The following CELF2 variants were observed in gnomAD, a reference collection of about 807,000 sequenced individuals.
The protein encoded by CELF2 is CUGBP Elav-like family member 2.
A neutral mutation model predicts 62.6 loss-of-function variants in CELF2; 8 were observed. That is an observed-to-expected ratio of 0.13 (90% confidence interval 0.07 to 0.23). The LOEUF is 0.23. CELF2 is among the 10% of genes least tolerant of loss of function. CELF2 has a pLI of 1.00. For synonymous variants in CELF2, 258 were observed against 250.0 expected, an observed-to-expected ratio of 1.03 and a Z score of -0.30; for missense variants, 333 against 671.0, an observed-to-expected ratio of 0.50 and a Z score of 5.56.
intron 1 of CELF2, among the ~76,000 whole-genome samples, chr10:11,048,678 T>G (rs1390257339): frequency 6.6e-6 from 1 of 152,322 alleles, no homozygotes; most frequent in Middle Eastern, 3.4e-3. Flanking sequence ...AAGAACACAG[T>G]CTTCCTCTTT....
At chr10:10,767,590 C>A in the CELF2 span, among the ~76,000 whole-genome samples, 1 of 152,062 alleles carries the variant, frequency 6.6e-6, no homozygotes, top group Non-Finnish European at 1.5e-5. Flanking sequence ...GTAAACAGAC[C>A]AATGCTTGGT....
At chr10:11,182,233 G>A (rs758736687) in intron 2 of CELF2, among the ~76,000 whole-genome samples, 5 of 152,172 alleles carry the variant, frequency 3.3e-5, no homozygotes, top group East Asian at 1.9e-4. Context: ...TTCCATTCTG[G>A]CAAGGACTGA....
In CELF2 at chr10:11,227,188, C is replaced by T. The variant is rs553330046; in HGVS notation, c.354+9681C>T. Among the ~76,000 whole-genome samples, 1 of 152,244 alleles carries T rather than the reference C, an allele frequency of 6.6e-6. No individual in the cohort carries two copies. Among genetic ancestry groups the T allele is most frequent in the African/African-American group, 2.4e-5 (1 of 41,462 alleles). Reference sequence around the variant, plus strand: ...CCTGCCATCATCACACCCTCCTGCCCTGAAAACTCCTGGAGGCCTTTAGAA... The same window carrying T: ...CCTGCCATCATCACACCCTCCTGCCTTGAAAACTCCTGGAGGCCTTTAGAA... On this transcript the variant is annotated intron_variant, in intron 3 of 12. Transcript: ENST00000633077. This position sits in a 1 kb window ranked among gnomAD's most constrained non-coding sequence, Gnocchi z 4.8.
chr10:10,853,348 C>A (rs1259555812), intron 1 of CELF2, among the ~76,000 whole-genome samples: 3 of 152,036 alleles, frequency 2.0e-5, no homozygotes, highest in Non-Finnish European at 2.9e-5. Flanking sequence ...GCTTAATTAG[C>A]AGGCTCCTAT....
the CELF2 span, among the ~76,000 whole-genome samples, chr10:10,491,501 T>G: frequency 6.6e-6 from 1 of 152,318 alleles, no homozygotes; most frequent in South Asian, 2.1e-4. Flanking sequence ...TGTGTTTTCC[T>G]AAATATGGGT....
the CELF2 span, among the ~76,000 whole-genome samples, chr10:10,511,119 A>G: frequency 6.6e-6 from 1 of 152,200 alleles, no homozygotes; most frequent in Non-Finnish European, 1.5e-5. Flanking sequence ...TTTAAAATAT[A>G]TGTATACAGG....
At chr10:10,619,555 C>T in the CELF2 span, among the ~76,000 whole-genome samples, 7 of 152,154 alleles carry the variant, frequency 4.6e-5, no homozygotes, top group African/African-American at 1.4e-4. Context: ...TTGGGTAGAG[C>T]GCTCCTCTTC....
Position 11,157,287 on chromosome 10 carries a change from A to G in CELF2, c.75-8199A>G, listed in dbSNP as rs1034027501. On this transcript the variant is annotated intron_variant, in intron 1 of 12. Transcript: ENST00000633077. The surrounding 1 kb of genome is among the most constrained non-coding windows in gnomAD (Gnocchi z 4.9). ...CACCTTCCCAGCTCCCTTCCTTGTT[A>G]GAGCCGCCTTTTTCTCCCCAGTTTT... 6.6e-6 allele frequency among the ~76,000 whole-genome samples: 1 copy of G among 152,152 alleles called. No individual in the cohort carries two copies. The highest frequency in any genetic ancestry group is 1.5e-5 in the Non-Finnish European group (1 of 68,038).
At chr10:11,086,133 A>G (rs1039214168) in intron 1 of CELF2, among the ~76,000 whole-genome samples, 1 of 152,156 alleles carries the variant, frequency 6.6e-6, no homozygotes, top group Admixed American at 6.5e-5. Flanking sequence ...ACGGGATCAA[A>G]TCTATAGGTA....
chr10:11,014,343 G>A (rs1295656362), upstream of CELF2, among the ~76,000 whole-genome samples: 1 of 152,206 alleles, frequency 6.6e-6, no homozygotes, highest in Admixed American at 6.5e-5. Flanking sequence ...GGGAAGTTAT[G>A]TATAGGAATA....
intron 2 of CELF2, among the ~76,000 whole-genome samples, chr10:11,197,064 A>AAGAAAGAAAGAC (rs2058086670): frequency 8.5e-6 from 1 of 117,016 alleles, no homozygotes; most frequent in Admixed American, 7.8e-5. Flanking sequence ...AAAGAAAAGA[A>AAGAAAGAAAGAC]AGAAAGGAAA....
chr10:10,552,974 G>A, the CELF2 span, among the ~76,000 whole-genome samples: 2 of 152,278 alleles, frequency 1.3e-5, no homozygotes, highest in East Asian at 3.9e-4. Flanking sequence ...TCAGCAAGGG[G>A]GCATGGGGAG....
At position 11,039,865 on chromosome 10, in the gene CELF2, T is replaced by A. The variant is rs914065609; in HGVS notation, c.74+21702T>A. On this transcript the variant is annotated intron_variant, in intron 1 of 12. Coordinates refer to ENST00000633077, the MANE Select transcript of CELF2 (RefSeq NM_001326342.2). The surrounding 1 kb of genome is among the most constrained non-coding windows in gnomAD (Gnocchi z 4.1). ...GTATATATTTTAATTCCAGGTAACA[T>A]TGGAATGTGGTATGTGTTGGGGGTG... Among the ~76,000 whole-genome samples the A allele has an allele frequency of 1.3e-5, 2 of 152,206 alleles. No homozygotes were observed. Among genetic ancestry groups the A allele is most frequent in the African/African-American group, 4.8e-5 (2 of 41,458 alleles).
chr10:10,799,215 C>A (rs2054387840), intron 1 of CELF2, among the ~76,000 whole-genome samples: 1 of 152,104 alleles, frequency 6.6e-6, no homozygotes, highest in East Asian at 1.9e-4. Flanking sequence ...TGCGGAGGCT[C>A]ACATCTATAA....
At chr10:10,851,584 GA>G (rs1169260194) in intron 1 of CELF2, among the ~76,000 whole-genome samples, 1 of 152,098 alleles carries the variant, frequency 6.6e-6, no homozygotes, top group Admixed American at 6.5e-5. Flanking sequence ...TGATAAATTG[GA>G]CCTCATTGAA....
chr10:11,206,458 T>C (rs2060455930), intron 2 of CELF2, among the ~76,000 whole-genome samples: 1 of 152,270 alleles, frequency 6.6e-6, no homozygotes, highest in African/African-American at 2.4e-5. Flanking sequence ...TAAATCCTTC[T>C]TAATTGGATT....
At chr10:11,167,752 G>T (rs573602841) in intron 2 of CELF2, among the ~76,000 whole-genome samples, 34 of 152,188 alleles carry the variant, frequency 2.2e-4, no homozygotes, top group Non-Finnish European at 2.2e-4. Context: ...GCCTGATGAG[G>T]GAAGTTTTTT....
the CELF2 span, among the ~76,000 whole-genome samples, chr10:10,647,107 G>A: frequency 1.3e-5 from 2 of 152,138 alleles, no homozygotes; most frequent in African/African-American, 4.8e-5. Context: ...GATAAGCAGG[G>A]TCTAAGTTAA....
chr10:11,073,166 C>T (rs2070704725), intron 1 of CELF2, among the ~76,000 whole-genome samples: 1 of 152,152 alleles, frequency 6.6e-6, no homozygotes, highest in Non-Finnish European at 1.5e-5. Flanking sequence ...CTGGACAGAG[C>T]AGAGTGTAAC....
Sources: gnomAD v4.1 joint callset for allele counts (sites outside exome capture counted in the v4.1 genomes callset) on GRCh38, gnomAD v4.1.1 for gene constraint, Gnocchi (gnomAD v3.1) non-coding constraint, MANE v1.5 for transcripts, NCBI Gene and HGNC (gene_info 2026-07-23, HGNC 2026-07-21) for gene names.